The following CNTN4 variants were observed in gnomAD, a reference collection of about 807,000 sequenced individuals.
CNTN4 encodes contactin 4, also known as contactin-4.
Under a neutral mutation model 122.5 loss-of-function variants are expected in CNTN4, and 77 were observed. The ratio of observed to expected loss-of-function variants is 0.63; its 90% CI spans 0.52 to 0.76. The LOEUF (loss-of-function observed/expected upper bound fraction) is 0.76, where lower values mean the gene tolerates loss of function less well. Among genes scored for constraint, CNTN4 ranks in the 30% least tolerant of loss-of-function variants. The pLI is 0.00. For synonymous variants in CNTN4, 512 were observed against 447.0 expected (o/e 1.15, Z -1.83); for missense variants, 1,256 against 1,259.1 (o/e 1.00, Z 0.04).
chr3:2,340,433 G>T (rs1375949322), intron 3 of CNTN4, among the ~76,000 whole-genome samples: 3 of 151,376 alleles, frequency 2.0e-5, no homozygotes, highest in Admixed American at 2.0e-4. Flanking sequence ...TAAAATATTA[G>T]TATATAATTC....
intron 4 of CNTN4, among the ~76,000 whole-genome samples, chr3:2,612,035 A>G (rs1466919658): frequency 1.3e-5 from 2 of 151,842 alleles, no homozygotes; most frequent in East Asian, 3.9e-4. Context: ...TTTAATGGGT[A>G]AAAATAACAC....
chr3:2,241,980 A>G (rs1239625832), intron 2 of CNTN4, among the ~76,000 whole-genome samples: 1 of 152,046 alleles, frequency 6.6e-6, no homozygotes, highest in Non-Finnish European at 1.5e-5. Context: ...TTCAAACACA[A>G]TTTCTAAATG....
intron 12 of CNTN4, among the ~76,000 whole-genome samples, chr3:2,916,044 T>TTCCAATACCCAAC (rs2094349925): frequency 6.6e-6 from 1 of 151,754 alleles, no homozygotes; most frequent in Non-Finnish European, 1.5e-5. Flanking sequence ...AAATGGGGAG[T>TTCCAATACCCAAC]TGGGTAATGG....
chr3:2,459,401 G>T (rs1454269548), intron 3 of CNTN4, among the ~76,000 whole-genome samples: 2 of 152,068 alleles, frequency 1.3e-5, no homozygotes, highest in South Asian at 2.1e-4. Context: ...AAATGCACAG[G>T]TCATATAGGG....
chr3:2,701,958 C>T (rs2086381765), intron 4 of CNTN4, among the ~76,000 whole-genome samples: 1 of 152,156 alleles, frequency 6.6e-6, no homozygotes, highest in South Asian at 2.1e-4. Context: ...AGCATGAGTT[C>T]TCCAAAATTA....
chr3:2,821,391 A>G (rs2092868318), intron 7 of CNTN4, among the ~76,000 whole-genome samples: 1 of 152,244 alleles, frequency 6.6e-6, no homozygotes. Flanking sequence ...TGAAGTCTGC[A>G]TTCCAAACCA....
chr3:2,245,250 C>G (rs972682141), intron 2 of CNTN4, among the ~76,000 whole-genome samples: 3 of 152,030 alleles, frequency 2.0e-5, no homozygotes, highest in African/African-American at 7.2e-5. Flanking sequence ...AGGGATGAAA[C>G]TGAGGCTAGG....
At chr3:3,003,762 A>AT (rs1451939915) in intron 14 of CNTN4, among the ~76,000 whole-genome samples, 2 of 139,954 alleles carry the variant, frequency 1.4e-5, no homozygotes, top group Non-Finnish European at 1.5e-5. Flanking sequence ...TTATTTATTT[A>AT]TTTTTGAGAC....
At chr3:2,147,928 C>T (rs1200833074) in intron 2 of CNTN4, among the ~76,000 whole-genome samples, 2 of 152,182 alleles carry the variant, frequency 1.3e-5, no homozygotes, top group Non-Finnish European at 2.9e-5. Flanking sequence ...AAACTCCACT[C>T]CTGTTTTCAA....
intron 3 of CNTN4, among the ~76,000 whole-genome samples, chr3:2,493,162 A>G (rs922585161): frequency 6.6e-6 from 1 of 152,134 alleles, no homozygotes; most frequent in Non-Finnish European, 1.5e-5. Context: ...AGAGTGTGTC[A>G]TACTTTTTCT....
chr3:2,481,033 T>TTTCTTTCTTTCTTTCTTTCTTTCTTTC (rs2075979022), intron 3 of CNTN4, among the ~76,000 whole-genome samples: 3 of 119,986 alleles, frequency 2.5e-5, no homozygotes, highest in Non-Finnish European at 3.5e-5. Context: ...TTTCTTTTTC[T>TTTCTTTCTTTCTTTCTTTCTTTCTTTC]TTTCTTTCTT....
intron 3 of CNTN4, among the ~76,000 whole-genome samples, chr3:2,520,767 G>GAACACAA (rs2077183717): frequency 6.6e-6 from 1 of 152,012 alleles, no homozygotes; most frequent in Admixed American, 6.6e-5. Context: ...AGAGAACACA[G>GAACACAA]TGCTGGGCTG....
chr3:2,683,815 T>C (rs1219497023), intron 4 of CNTN4, among the ~76,000 whole-genome samples: 1 of 152,144 alleles, frequency 6.6e-6, no homozygotes, highest in Non-Finnish European at 1.5e-5. Context: ...TCTTAAAACG[T>C]CCTTTTATCA....
chr3:2,944,853 A>G (rs1431287424), intron 13 of CNTN4, among the ~76,000 whole-genome samples: 1 of 152,196 alleles, frequency 6.6e-6, no homozygotes, highest in African/African-American at 2.4e-5. Context: ...GGCAGAAATG[A>G]GCAGAGAGAG....
chr3:2,141,677 C>G (rs1156718814), intron 2 of CNTN4, among the ~76,000 whole-genome samples: 1 of 152,122 alleles, frequency 6.6e-6, no homozygotes, highest in East Asian at 1.9e-4. Context: ...ATCTTTAACT[C>G]ATATTCTAAA....
At chr3:2,259,338 T>A (rs1351818167) in intron 2 of CNTN4, among the ~76,000 whole-genome samples, 1 of 152,190 alleles carries the variant, frequency 6.6e-6, no homozygotes, top group Admixed American at 6.5e-5. Context: ...ATGAAGAGCT[T>A]TTCATAGGAA....
chr3:2,538,225 T>C (rs1165891849), intron 3 of CNTN4, among the ~76,000 whole-genome samples: 3 of 152,090 alleles, frequency 2.0e-5, no homozygotes, highest in Non-Finnish European at 4.4e-5. Context: ...GGAGACCTTT[T>C]CCTAGTGCCT....
chr3:2,361,861 A>T (rs546032049), intron 3 of CNTN4, among the ~76,000 whole-genome samples: 1 of 152,328 alleles, frequency 6.6e-6, no homozygotes, highest in Non-Finnish European at 1.5e-5. Flanking sequence ...TTAGCTCTCT[A>T]ATTCCACAGG....
At chr3:2,372,920 C>T (rs1253583843) in intron 3 of CNTN4, among the ~76,000 whole-genome samples, 1 of 152,124 alleles carries the variant, frequency 6.6e-6, no homozygotes, top group African/African-American at 2.4e-5. Context: ...TGGTGGCGTG[C>T]ACCTGTAGTC....
Sources: gnomAD v4.1 joint callset for allele counts (sites outside exome capture counted in the v4.1 genomes callset) on GRCh38, gnomAD v4.1.1 for gene constraint, MANE v1.5 for transcripts, NCBI Gene and HGNC (gene_info 2026-07-23, HGNC 2026-07-21) for gene names.